The following MKNK2 variants were observed in gnomAD, a reference collection of about 807,000 sequenced individuals.
MKNK2 encodes the protein MAPK interacting serine/threonine kinase 2.
Under a neutral mutation model 55.0 loss-of-function variants are expected in MKNK2, and 54 were observed. The ratio of observed to expected loss-of-function variants is 0.98; its 90% CI spans 0.79 to 1.23. The LOEUF is 1.23. Ranked by LOEUF, MKNK2 falls within the 50% of genes most tolerant of loss-of-function variation. The pLI is 0.00. For missense variants in MKNK2, 685 were observed against 632.1 expected, an observed-to-expected ratio of 1.08 and a Z score of -0.90; for synonymous variants, 323 against 256.0, an observed-to-expected ratio of 1.26 and a Z score of -2.50.
chr19:2,043,113 C>A lies in MKNK2; in HGVS notation c.493+11G>T. 1 of 1,606,368 alleles carries A rather than the reference C, an allele frequency of 6.2e-7. No homozygotes were observed. Among genetic ancestry groups the A allele is most frequent in the Middle Eastern group, 1.7e-4 (1 of 6,050 alleles). On this transcript the variant is annotated intron_variant, in intron 7 of 13. Coordinates refer to ENST00000250896, the MANE Select transcript of MKNK2 (RefSeq NM_199054.3). ...CTCCCTCCCTCCTCACAGCCTGGAG[C>A]CCCCAGGTACCTCCCCGCATCTTCT...
In MKNK2 at chr19:2,042,678, C is replaced by A; in HGVS notation, c.599-16G>T. The A allele has an allele frequency of 2.6e-6, 4 of 1,558,960 alleles. No individual in the cohort carries two copies. Among genetic ancestry groups the A allele is most frequent in the South Asian group, 2.4e-5 (2 of 84,688 alleles). On this transcript the variant is annotated splice_polypyrimidine_tract_variant and intron_variant, in intron 8 of 13. Coordinates refer to ENST00000250896, the MANE Select transcript of MKNK2 (RefSeq NM_199054.3). ...TGGGCGATGCCTGGGGGAGAAGCCA[C>A]AGAACCACGACGGGGTGAGGGTCTG...
intron 11 of MKNK2, among the ~76,000 whole-genome samples, chr19:2,041,603 G>A (rs1291991451): frequency 6.6e-6 from 1 of 152,164 alleles, no homozygotes; most frequent in Non-Finnish European, 1.5e-5. Context: ...CCCTGTGGAT[G>A]GCATCAGGGA....
chr19:2,041,312 G>C, intron 11 of MKNK2, 108 bp from the exon 12 acceptor site: 1 of 1,159,508 alleles, frequency 8.6e-7, no homozygotes, highest in South Asian at 1.5e-5. Context: ...CCAGGCCCTA[G>C]ACCACGCACG....
intron 2 of MKNK2, among the ~76,000 whole-genome samples, chr19:2,048,589 G>A (rs1218828240): frequency 1.3e-5 from 2 of 152,152 alleles, no homozygotes; most frequent in Non-Finnish European, 2.9e-5. Flanking sequence ...CTGGGCCCCA[G>A]ACAACCTGAG....
In MKNK2 at chr19:2,038,394, G is replaced by C. The variant is rs1270468706; in HGVS notation, c.*1219C>G. The stretch of plus-strand genomic sequence containing the variant: ...GACCCTAGCCGCGCGCACTTCTAAA[G>C]TGGAACCCTGTATTGCATAGAACGT... On this transcript the variant is annotated 3_prime_UTR_variant, in exon 14 of 14. Coordinates refer to ENST00000250896, the MANE Select transcript of MKNK2 (RefSeq NM_199054.3). The C allele has an allele frequency of 1.0e-6, 1 of 985,940 alleles. No homozygotes were observed. Among genetic ancestry groups the C allele is most frequent in the Non-Finnish European group, 1.2e-6 (1 of 830,208 alleles). 61.1% of individuals were successfully genotyped at this position (985,940 alleles called of 1,614,324 possible).
rs1433838468 is a variant in MKNK2 at position 2,041,207 on chromosome 19, G to A, written c.946-3C>T. ...TGGATGCTCTCAAACAGCATGTTCT[G>A]GGGACATAGAACACAGGGGAGCTTA... On this transcript the variant is annotated splice_region_variant and splice_polypyrimidine_tract_variant and intron_variant, in intron 11 of 13. Transcript: ENST00000250896. 2.5e-6 allele frequency: 4 copies of A among 1,611,164 alleles called. No individual in the cohort carries two copies. Among genetic ancestry groups the A allele is most frequent in the Admixed American group, 3.3e-5 (2 of 59,904 alleles).
At position 2,043,570 on chromosome 19, in the gene MKNK2, G is replaced by A; in HGVS notation, c.352C>T (p.Gln118Ter). The change falls in exon 6 of 14, where the codon CAG (glutamine) becomes TAG (stop). Residue 118 changes from glutamine (Q) to a stop codon, truncating the protein, a stop_gained. Coordinates refer to ENST00000250896, the MANE Select transcript of MKNK2 (RefSeq NM_199054.3). LOFTEE classifies it high-confidence loss of function. ...ACCCTGCTCCGAATGTGGCCTGGCT[G>A]CTTCTCAATGATCTGAAACAGGCGA... The part of the protein sequence containing the change: ...QEYAVKIIEK[Q>*]PGHIRSRVFR... 1 of 1,614,032 alleles carries A rather than the reference G, an allele frequency of 6.2e-7. No individual in the cohort carries two copies. The highest frequency in any genetic ancestry group is 1.6e-4 in the Middle Eastern group (1 of 6,062).
chr19:2,047,949 C>T (rs2017034197), intron 2 of MKNK2, among the ~76,000 whole-genome samples: 1 of 152,166 alleles, frequency 6.6e-6, no homozygotes, highest in South Asian at 2.1e-4. Flanking sequence ...GCCCCCGCCA[C>T]CCACCAGAGG....
rs770539853 is a variant in MKNK2 at position 2,041,239 on chromosome 19, C to A, written c.946-35G>T. 5.7e-6 allele frequency: 9 copies of A among 1,589,376 alleles called. No homozygotes were observed. The South Asian group carries it at 1.0e-4, about 18-fold the overall frequency. On this transcript the variant is annotated intron_variant, in intron 11 of 13. Coordinates refer to ENST00000250896, the MANE Select transcript of MKNK2 (RefSeq NM_199054.3). The stretch of plus-strand genomic sequence containing the variant: ...TAGAACACAGGGGAGCTTAGACCTG[C>A]CCAAGGGCCTGGATACTGTGCACTG...
At chr19:2,046,534 G>C (rs1568239238) in intron 3 of MKNK2, 66 bp from the exon 4 acceptor site, 1 of 1,559,920 alleles carries the variant, frequency 6.4e-7, no homozygotes, top group Non-Finnish European at 8.7e-7. Context: ...CCACCCCCCT[G>C]CAGGGGCTGG....
chr19:2,050,280 G>GC (rs910188862), intron 2 of MKNK2, among the ~76,000 whole-genome samples: 4 of 152,212 alleles, frequency 2.6e-5, no homozygotes, highest in Admixed American at 2.0e-4. Context: ...CACGGCACAG[G>GC]CCCCCTGGGG....
intron 13 of MKNK2, 103 bp downstream of exon 13, chr19:2,040,031 C>A: frequency 1.4e-6 from 2 of 1,423,816 alleles, no homozygotes; most frequent in Non-Finnish European, 1.9e-6. Context: ...GGCTTGCCTG[C>A]CTCCCCGACC....
chr19:2,042,419 G>T lies in MKNK2; in HGVS notation c.750+8C>A. ...GCCGAGCCCCCAGCCCTCCCCGCGG[G>T]CCCTCACCGGAGTGAGCAGCTCCGG... On this transcript the variant is annotated splice_region_variant and intron_variant, in intron 10 of 13. Transcript: ENST00000250896. The T allele has an allele frequency of 6.4e-7, 1 of 1,565,102 alleles. No individual in the cohort carries two copies. The highest frequency in any genetic ancestry group is 8.7e-7 in the Non-Finnish European group (1 of 1,155,974).
rs542962854 is a variant in MKNK2, at chr19:2,050,193, C to T, written c.51+608G>A. On this transcript the variant is annotated intron_variant, in intron 2 of 13. Coordinates refer to ENST00000250896, the MANE Select transcript of MKNK2 (RefSeq NM_199054.3). ...CCACCCGGGCTGCGCAGAAACTTCC[C>T]GCTCCGACAGGAAACAGCACTTGGG... is the stretch of plus-strand genomic sequence containing the variant. Among the ~76,000 whole-genome samples the T allele has an allele frequency of 1.2e-3, 186 of 152,336 alleles. 3 individuals are homozygous for T. The highest frequency in any genetic ancestry group is 1.4e-3 in the Admixed American group (22 of 15,308).
Position 2,041,185 on chromosome 19 carries a change from A to C in MKNK2, c.965T>G (p.Ile322Ser). ...GGGGAACTCGTACTTGCCCTCCTGG[A>C]TGCTCTCAAACAGCATGTTCTGGGG... ...PACQNMLFES[I>S]QEGKYEFPDK... Residue 322 changes from isoleucine to serine, a missense_variant, in exon 12 of 14, where the codon ATC becomes AGC. Transcript: ENST00000250896. 1 of 1,613,646 alleles carries C rather than the reference A, an allele frequency of 6.2e-7. No homozygotes were observed. The highest frequency in any genetic ancestry group is 1.3e-5 in the African/African-American group (1 of 75,012).
Position 2,039,375 on chromosome 19 carries a change from G to A in MKNK2, c.*238C>T, listed in dbSNP as rs971380329. ...CCACCTACCCTCTGCTCACCTTCCC[G>A]GGTGCCTGCAATGCTTTTAACCATC... On this transcript the variant is annotated 3_prime_UTR_variant, in exon 14 of 14. Transcript: ENST00000250896. The A allele has an allele frequency of 5.1e-6, 7 of 1,382,970 alleles. No homozygotes were observed. In the South Asian group the frequency reaches 5.3e-5, roughly 10 times the overall value. The allele number at this position is 1,382,970 out of a possible 1,614,324, so 85.7% of individuals were successfully genotyped here.
At chr19:2,050,742 C>G (rs2017097985) in intron 2 of MKNK2, 59 bp downstream of exon 2, 18 of 1,484,542 alleles carry the variant, frequency 1.2e-5, no homozygotes, top group Non-Finnish European at 1.5e-5. Flanking sequence ...CCGCGCCCCC[C>G]ACGCCGGCCA....
At chr19:2,043,679 C>G in intron 5 of MKNK2, 97 bp from the exon 6 acceptor site, 1 of 1,090,056 alleles carries the variant, frequency 9.2e-7, no homozygotes, top group Middle Eastern at 2.0e-4. Flanking sequence ...ATTCACCACA[C>G]TTAACGCCCT....
rs1043139780 is a variant in MKNK2 at position 2,038,990 on chromosome 19, G to T, written c.*623C>A. The T allele has an allele frequency of 2.0e-6, 2 of 986,102 alleles. No individual in the cohort carries two copies. The highest frequency in any genetic ancestry group is 1.7e-5 in the African/African-American group (1 of 57,230). 61.1% of individuals were successfully genotyped at this position (986,102 alleles called of 1,614,324 possible). On this transcript the variant is annotated 3_prime_UTR_variant, in exon 14 of 14. Transcript: ENST00000250896. ...GATTGTCAACTATCATGGGGACAAGGCAGGCGCGGGTGAAGGGCTGGGGGA... is the reference window on the plus strand; with the variant it reads ...GATTGTCAACTATCATGGGGACAAGTCAGGCGCGGGTGAAGGGCTGGGGGA...
Sources: allele counts gnomAD v4.1 joint callset (sites outside exome capture counted in the v4.1 genomes callset), GRCh38; gene constraint gnomAD v4.1.1; transcripts MANE v1.5; gene names NCBI Gene and HGNC (gene_info 2026-07-23, HGNC 2026-07-21).